ADGRG4: variants seen among roughly 807,000 people sequenced by gnomAD.
ADGRG4 encodes G protein-coupled receptor 112.
ADGRG4 carries 122 observed loss-of-function variants against 126.2 expected under a neutral mutation model. The ratio of observed to expected loss-of-function variants is 0.97; its 90% confidence interval spans 0.83 to 1.12. The LOEUF is 1.12. Ranked by LOEUF, ADGRG4 falls within the 50% of genes most tolerant of loss-of-function variation. The probability of loss-of-function intolerance (pLI) is 0.00; values close to 1 mark genes in which losing one functional copy is unlikely to be tolerated. For missense variants in ADGRG4, 2,481 were observed against 2,251.8 expected, an observed-to-expected ratio of 1.10 and a Z score of -2.06; for synonymous variants, 943 against 838.7, an observed-to-expected ratio of 1.12 and a Z score of -2.15.
chrX:136,399,737 A>C (rs1028399128), intron 20 of ADGRG4, 111 bp from the exon 21 acceptor site: 3 of 671,948 alleles, frequency 4.5e-6, no homozygotes, highest in Admixed American at 7.2e-5. Context: ...GTATAAGCAA[A>C]GATGAGTAAT....
intron 15 of ADGRG4, among the ~76,000 whole-genome samples, chrX:136,375,392 T>C (rs1167279604): frequency 8.9e-6 from 1 of 112,226 alleles, no homozygotes; most frequent in Non-Finnish European, 1.9e-5. Flanking sequence ...TTCCTTTGAA[T>C]AGATACCCAG....
Position 136,326,188 on chromosome X carries a change from CAAGAGTTCCT to C in ADGRG4, c.685+2799_685+2808del, listed in dbSNP as rs1350865827. Among the ~76,000 whole-genome samples, 52 of 112,458 alleles carry C rather than the reference CAAGAGTTCCT, an allele frequency of 4.6e-4. 1 individual carries two copies. The highest frequency in any genetic ancestry group is 3.2e-3 in the Admixed American group (34 of 10,671). On this transcript the variant is annotated intron_variant, in intron 5 of 25. Transcript: ENST00000394143. ...CAAGTGTTCTTTCCAAACCTTGGAC[CAAGAGTTCCT>C]AATCTAGGGGCCAGAATGGCCTTGA...
In ADGRG4 at chrX:136,348,978, A is replaced by G; in HGVS notation, c.5272A>G (p.Ser1758Gly). Residue 1758 changes from serine (S) to glycine (G), a missense_variant, in exon 6 of 26, where the codon AGT becomes GGT. Transcript: ENST00000394143. Reference protein sequence around the residue: ...ENMLSPTHADSLHTSFNIQVS... With the variant: ...ENMLSPTHADGLHTSFNIQVS... ...TATGCTTTCACCTACTCATGCAGAT[A>G]GTCTCCATACTTCCTTCAATATTCA... The G allele has an allele frequency of 3.3e-6, 4 of 1,209,303 alleles. No individual in the cohort carries two copies. The highest frequency in any genetic ancestry group is 4.5e-6 in the Non-Finnish European group (4 of 893,534).
In ADGRG4 at chrX:136,345,793, T is replaced by C; in HGVS notation, c.2087T>C (p.Leu696Ser). ...FHENTTYTEYLSATTNITPLK... is the reference protein window; with the variant it reads ...FHENTTYTEYSSATTNITPLK... ...GAGAATACTACTTATACAGAATATT[T>C]ATCCGCAACTACCAATATCACCCCA... The change falls in exon 6 of 26, where the codon TTA becomes TCA. Residue 696 changes from leucine (L) to serine (S), a missense_variant. By Grantham distance (145) the Leu-to-Ser change is moderately radical. Transcript: ENST00000394143. The C allele has an allele frequency of 8.3e-7, 1 of 1,210,092 alleles. No individual in the cohort carries two copies. Among genetic ancestry groups the C allele is most frequent in the Non-Finnish European group, 1.1e-6 (1 of 894,259 alleles).
chrX:136,396,813 G>A (rs1394591869), intron 19 of ADGRG4, among the ~76,000 whole-genome samples: 3 of 100,924 alleles, frequency 3.0e-5, no homozygotes, highest in Non-Finnish European at 4.0e-5. Context: ...TTTTCTTAAC[G>A]GAGTCTTGCT....
chrX:136,387,777 C>T lies in ADGRG4; in HGVS notation c.7814C>T (p.Ala2605Val), dbSNP rs772874088. The change falls in exon 16 of 26, where the codon GCT becomes GTT. Residue 2605 changes from alanine to valine, a missense_variant. Coordinates refer to ENST00000394143, the MANE Select transcript of ADGRG4 (RefSeq NM_153834.4). ...AATGTCCCTGTGGGAGGGATTTTGGCTTCCATATATTTGCCTAAATCACTG... is the reference window on the plus strand; with the variant it reads ...AATGTCCCTGTGGGAGGGATTTTGGTTTCCATATATTTGCCTAAATCACTG... ...LGNVPVGGIL[A>V]SIYLPKSLTE... The T allele has an allele frequency of 5.0e-6, 6 of 1,207,751 alleles. No individual in the cohort carries two copies. The East Asian group carries it at 1.8e-4, about 36-fold the overall frequency.
In ADGRG4 at chrX:136,348,169, C is replaced by G; in HGVS notation, c.4463C>G (p.Ala1488Gly). ...FTVLSDRITT[A>G]FSVPNVPTML... ...GTTCTCTCCGACAGGATCACTACAG[C>G]CTTTTCTGTTCCAAATGTACCTACA... Residue 1488 changes from alanine (A) to glycine (G), a missense_variant, in exon 6 of 26, where the codon GCC becomes GGC. Coordinates refer to ENST00000394143, the MANE Select transcript of ADGRG4 (RefSeq NM_153834.4). 1 of 1,207,965 alleles carries G rather than the reference C, an allele frequency of 8.3e-7. No homozygotes were observed. Among genetic ancestry groups the G allele is most frequent in the Non-Finnish European group, 1.1e-6 (1 of 892,374 alleles).
At chrX:136,370,915 G>T (rs1297886466) in intron 13 of ADGRG4, among the ~76,000 whole-genome samples, 2 of 110,682 alleles carry the variant, frequency 1.8e-5, no homozygotes, top group African/African-American at 6.6e-5. Flanking sequence ...TGGTTTGATG[G>T]TTCTTGACAG....
In ADGRG4 at chrX:136,349,951, C is replaced by T. The variant is rs2075049599; in HGVS notation, c.6245C>T (p.Thr2082Ile). Residue 2082 changes from threonine (T) to isoleucine (I), a missense_variant, in exon 6 of 26, where the codon ACT becomes ATT. Coordinates refer to ENST00000394143, the MANE Select transcript of ADGRG4 (RefSeq NM_153834.4). Reference sequence around the variant, plus strand: ...ACACCTACACTGGGTGGTATCACTACTGGCTTCCCAACTTCTCTCCCTATG... The same window carrying T: ...ACACCTACACTGGGTGGTATCACTATTGGCTTCCCAACTTCTCTCCCTATG... ...IPTPTLGGIT[T>I]GFPTSLPMSI... 2.0e-5 allele frequency: 24 copies of T among 1,208,684 alleles called. No homozygotes were observed. The East Asian group carries it at 6.5e-4, about 33-fold the overall frequency.
At chrX:136,339,798 C>T (rs778813285) in intron 5 of ADGRG4, among the ~76,000 whole-genome samples, 16 of 112,213 alleles carry the variant, frequency 1.4e-4, no homozygotes, top group Non-Finnish European at 3.0e-4. Context: ...AAAAGTGGCT[C>T]TATGCCATCT....
chrX:136,365,758 T>C (rs764477564), intron 13 of ADGRG4, among the ~76,000 whole-genome samples: 7 of 112,601 alleles, frequency 6.2e-5, no homozygotes, highest in Admixed American at 1.9e-4. Context: ...TTTTAGATTA[T>C]GGCTGGTAGT....
At position 136,347,332 on chromosome X, in the gene ADGRG4, T is replaced by C. The variant is rs1380039283; in HGVS notation, c.3626T>C (p.Val1209Ala). The C allele has an allele frequency of 8.3e-7, 1 of 1,209,887 alleles. No homozygotes were observed. Among genetic ancestry groups the C allele is most frequent in the East Asian group, 3.0e-5 (1 of 33,790 alleles). ...SLATGTTETS[V>A]VDETTPSHIS... ...GCTACTGGCACCACAGAGACCTCTGTTGTTGATGAGACCACACCCTCACAC... is the reference window on the plus strand; with the variant it reads ...GCTACTGGCACCACAGAGACCTCTGCTGTTGATGAGACCACACCCTCACAC... The change falls in exon 6 of 26, where the codon GTT becomes GCT. Residue 1209 changes from valine to alanine, a missense_variant. Val to Ala is a moderately conservative substitution (Grantham distance 64). Coordinates refer to ENST00000394143, the MANE Select transcript of ADGRG4 (RefSeq NM_153834.4).
rs550696070 is a variant in ADGRG4 at position 136,390,881 on chromosome X, T to C, written c.7912-1351T>C. ...TAAATAACATCTAGTCTGCCATCTT[T>C]CCTAGTGTCACCAATAGACCAGGAA... is the stretch of plus-strand genomic sequence containing the variant. On this transcript the variant is annotated intron_variant, in intron 16 of 25. Coordinates refer to ENST00000394143, the MANE Select transcript of ADGRG4 (RefSeq NM_153834.4). 2.3e-4 allele frequency among the ~76,000 whole-genome samples: 25 copies of C among 110,801 alleles called. No homozygotes were observed. In the South Asian group the frequency reaches 9.4e-3, roughly 42 times the overall value.
At chrX:136,339,628 G>A (rs996848947) in intron 5 of ADGRG4, among the ~76,000 whole-genome samples, 3 of 112,567 alleles carry the variant, frequency 2.7e-5, no homozygotes, top group Non-Finnish European at 5.6e-5. Flanking sequence ...TTTATGCTGG[G>A]TTTGGTGAGG....
chrX:136,375,035 C>T (rs776939881), intron 15 of ADGRG4, among the ~76,000 whole-genome samples: 1 of 109,804 alleles, frequency 9.1e-6, no homozygotes, highest in African/African-American at 3.3e-5. Flanking sequence ...TTCACCCCCC[C>T]CACCACTCTT....
At chrX:136,380,547 T>C (rs111894209) in intron 15 of ADGRG4, among the ~76,000 whole-genome samples, 770 of 70,780 alleles carry the variant, frequency 0.011, 2 homozygotes, top group South Asian at 0.028. Flanking sequence ...CCTCCTCCTC[T>C]TCTTCTTCTT....
intron 1 of ADGRG4, 100 bp downstream of exon 1, chrX:136,301,100 C>T (rs1272990489): frequency 8.9e-6 from 1 of 111,920 alleles, no homozygotes; most frequent in Non-Finnish European, 1.9e-5. Flanking sequence ...GGGTATATAC[C>T]CAGTAATGGG....
chrX:136,347,437 C>T lies in ADGRG4; in HGVS notation c.3731C>T (p.Ser1244Phe), dbSNP rs1325513350. ...SATYRVHTPV[S>F]IQLVTSTSVL... ...ACATATCGTGTACACACACCAGTGT[C>T]CATCCAGTTGGTGACTAGCACCTCT... The change falls in exon 6 of 26, where the codon TCC becomes TTC. Residue 1244 changes from serine (S) to phenylalanine (F), a missense_variant. Coordinates refer to ENST00000394143, the MANE Select transcript of ADGRG4 (RefSeq NM_153834.4). 4 of 1,207,287 alleles carry T rather than the reference C, an allele frequency of 3.3e-6. No homozygotes were observed. The highest frequency in any genetic ancestry group is 4.5e-6 in the Non-Finnish European group (4 of 892,547).
Position 136,344,555 on chromosome X carries a change from C to T in ADGRG4, c.849C>T (p.Thr283=), listed in dbSNP as rs778344291. The T allele has an allele frequency of 8.3e-7, 1 of 1,203,614 alleles. No individual in the cohort carries two copies. Among genetic ancestry groups the T allele is most frequent in the Non-Finnish European group, 1.1e-6 (1 of 888,510 alleles). ...CTATATTTGCAACTGATTACACAAC[C>T]ATATCATATTCCAATACAACATCTC... is the stretch of plus-strand genomic sequence containing the variant. The part of the protein sequence containing the change: ...SIPIFATDYT[T]ISYSNTTSPP... Residue 283 remains threonine (T), a synonymous_variant, in exon 6 of 26, where the codon ACC becomes ACT. Transcript: ENST00000394143.
Sources: gnomAD v4.1 joint callset for allele counts (sites outside exome capture counted in the v4.1 genomes callset) on GRCh38, gnomAD v4.1.1 for gene constraint, MANE v1.5 for transcripts, NCBI Gene and HGNC (gene_info 2026-07-23, HGNC 2026-07-21) for gene names.